The following CYP4A22 variants were observed in gnomAD, a reference collection of about 807,000 sequenced individuals.
CYP4A22 encodes cytochrome P450 4A22.
Under a neutral mutation model 56.2 loss-of-function variants are expected in CYP4A22, and 46 were observed. The ratio of observed to expected loss-of-function variants is 0.82; its 90% confidence interval spans 0.65 to 1.05. CYP4A22 has a LOEUF of 1.05. CYP4A22 is among the 50% of genes least tolerant of loss of function. CYP4A22 has a pLI of 0.00. For missense variants in CYP4A22, 541 were observed against 645.9 expected (o/e 0.84, Z 1.76); for synonymous variants, 193 against 251.1 (o/e 0.77, Z 2.19).
rs10789501 is a variant in CYP4A22, at chr1:47,143,817, T to C, written c.691T>C (p.Cys231Arg). The C allele has an allele frequency of 0.4, 637,894 of 1,613,692 alleles. 138,199 individuals are homozygous for C. Among genetic ancestry groups the C allele is most frequent in the East Asian group, 0.94 (42,158 of 44,852 alleles). ...ISDLNSLVFC[C>R]MRNAFHENDT... ...TGACCTGAACAGCCTGGTTTTTTGC[T>C]GTATGAGGAATGCCTTTCATGAGAA... Residue 231 changes from cysteine (C) to arginine (R), a missense_variant, in exon 6 of 12, where the codon TGT becomes CGT. Cys to Arg is a radical substitution (Grantham distance 180, BLOSUM62 -3). This residue lies in a region of CYP4A22 where 335 missense variants were observed against 361.2 expected (regional missense o/e 0.93). Coordinates refer to ENST00000371891, the MANE Select transcript of CYP4A22 (RefSeq NM_001010969.4).
intron 9 of CYP4A22, 72 bp from the exon 10 acceptor site, chr1:47,145,794 C>T (rs1212513872): frequency 3.9e-5 from 62 of 1,598,428 alleles, no homozygotes; most frequent in Non-Finnish European, 5.1e-5. Context: ...TTCTTTTGCC[C>T]CTGCAGGCTG....
intron 1 of CYP4A22, among the ~76,000 whole-genome samples, chr1:47,139,177 T>C (rs914721015): frequency 5.9e-5 from 9 of 152,228 alleles, no homozygotes; most frequent in African/African-American, 2.2e-4. Flanking sequence ...TTCTCACTCA[T>C]ATCTATCGGT....
At chr1:47,145,834 G>C (rs375267118) in intron 9 of CYP4A22, 32 bp from the exon 10 acceptor site, 1 of 1,613,440 alleles carries the variant, frequency 6.2e-7, no homozygotes, top group South Asian at 1.1e-5. Flanking sequence ...GCAAATGATC[G>C]GTCTTCTCTC....
chr1:47,141,759 C>A, intron 3 of CYP4A22, 144 bp downstream of exon 3: 1 of 1,148,886 alleles, frequency 8.7e-7, no homozygotes, highest in South Asian at 1.8e-5. Flanking sequence ...CTAACAAGAC[C>A]CTCACCCCTT....
intron 4 of CYP4A22, 48 bp downstream of exon 4, chr1:47,142,283 C>G (rs1464381504): frequency 2.6e-6 from 4 of 1,539,926 alleles, no homozygotes; most frequent in South Asian, 2.5e-5. Flanking sequence ...ACAGCACACA[C>G]TCTCACCAAC....
chr1:47,144,030 A>T (rs1645045072), intron 6 of CYP4A22, 114 bp downstream of exon 6: 2 of 1,495,744 alleles, frequency 1.3e-6, no homozygotes, highest in Admixed American at 4.6e-5. Flanking sequence ...GAACACACTC[A>T]GCCTGGGGAA....
intron 10 of CYP4A22, 21 bp from the exon 11 acceptor site, chr1:47,146,056 G>A: frequency 1.9e-6 from 3 of 1,614,168 alleles, no homozygotes; most frequent in Non-Finnish European, 2.5e-6. Flanking sequence ...AACTATCCTG[G>A]CTCTGGTGCT....
intron 1 of CYP4A22, among the ~76,000 whole-genome samples, chr1:47,139,139 C>A (rs1435435966): frequency 6.6e-6 from 1 of 152,252 alleles, no homozygotes; most frequent in Non-Finnish European, 1.5e-5. Context: ...GGCCTCTGAT[C>A]ACAATGTGCT....
At position 47,137,580 on chromosome 1, in the gene CYP4A22, T is replaced by C; in HGVS notation, c.95T>C (p.Ile32Thr). The C allele has an allele frequency of 6.2e-7, 1 of 1,614,206 alleles. No homozygotes were observed. The highest frequency in any genetic ancestry group is 8.5e-7 in the Non-Finnish European group (1 of 1,180,016). ...CTGCTCATTCTGCTTCTGCTGCTGA[T>C]CAAGGCAGCTCAGCTCTACCTGCAT... is the stretch of plus-strand genomic sequence containing the variant. The part of the protein sequence containing the change: ...TSLLILLLLL[I>T]KAAQLYLHRQ... The change falls in exon 1 of 12, where the codon ATC becomes ACC. Residue 32 changes from isoleucine to threonine, a missense_variant. Ile to Thr is a moderately conservative substitution (Grantham distance 89, BLOSUM62 -1). This residue lies in a region of CYP4A22 where 335 missense variants were observed against 361.2 expected (regional missense o/e 0.93). Transcript: ENST00000371891.
At chr1:47,147,893 T>C (rs572887678) in intron 11 of CYP4A22, among the ~76,000 whole-genome samples, 1 of 152,056 alleles carries the variant, frequency 6.6e-6, no homozygotes, top group Admixed American at 6.5e-5. Context: ...GTGGCTTCAG[T>C]GTGCAGGGAG....
chr1:47,144,107 T>C (rs951435257), intron 6 of CYP4A22, among the ~76,000 whole-genome samples, 191 bp downstream of exon 6: 10 of 152,234 alleles, frequency 6.6e-5, no homozygotes, highest in African/African-American at 9.6e-5. Context: ...TTTATCAATG[T>C]CCCCACATGG....
intron 1 of CYP4A22, among the ~76,000 whole-genome samples, chr1:47,138,180 C>T (rs1301457109): frequency 1.3e-5 from 2 of 152,182 alleles, no homozygotes; most frequent in Non-Finnish European, 2.9e-5. Context: ...AAAGAGCTCA[C>T]TCTGCTGGGG....
At chr1:47,146,285 A>C in intron 11 of CYP4A22, 132 bp downstream of exon 11, 4 of 1,575,358 alleles carry the variant, frequency 2.5e-6, no homozygotes, top group Non-Finnish European at 3.5e-6. Flanking sequence ...TTTGTGGGAA[A>C]GTCAGGCACC....
rs568771327 is a variant in CYP4A22 at position 47,139,099 on chromosome 1, T to A, written c.195+1419T>A. Reference sequence around the variant, plus strand: ...CTTTTACCATATGTTACTCACTACCTCACTACCTGCCTCTGCATTTCAACC... The same window carrying A: ...CTTTTACCATATGTTACTCACTACCACACTACCTGCCTCTGCATTTCAACC... On this transcript the variant is annotated intron_variant, in intron 1 of 11. Transcript: ENST00000371891. Among the ~76,000 whole-genome samples the A allele has an allele frequency of 2.8e-3, 423 of 152,314 alleles. 2 individuals carry two copies. Among genetic ancestry groups the A allele is most frequent in the African/African-American group, 9.7e-3 (402 of 41,554 alleles).
In CYP4A22 at chr1:47,146,202, T is replaced by C. The variant is rs374282164; in HGVS notation, c.1364+49T>C. On this transcript the variant is annotated intron_variant, in intron 11 of 11. Transcript: ENST00000371891. ...GGAATAGAGAAATGAGGGAAGTCTCTGGTCAACCCTCTGATCTTTGTGAGC... is the reference window on the plus strand; with the variant it reads ...GGAATAGAGAAATGAGGGAAGTCTCCGGTCAACCCTCTGATCTTTGTGAGC... 1.0e-4 allele frequency: 163 copies of C among 1,614,030 alleles called. 1 individual carries two copies. In the East Asian group the frequency reaches 2.9e-3, roughly 29 times the overall value.
At position 47,142,305 on chromosome 1, in the gene CYP4A22, C is replaced by T. The variant is rs111327702; in HGVS notation, c.510+70C>T. 1.3e-3 allele frequency: 1,924 copies of T among 1,516,102 alleles called. 21 individuals are homozygous for T. The African/African-American group carries it at 0.023, about 18-fold the overall frequency. 93.9% of individuals were successfully genotyped at this position (1,516,102 alleles called of 1,614,324 possible). On this transcript the variant is annotated intron_variant, in intron 4 of 11. Coordinates refer to ENST00000371891, the MANE Select transcript of CYP4A22 (RefSeq NM_001010969.4). ...ACACTCTCACCAACTCCACTCTCAA[C>T]CCTGTGTCCCACAGGCAGCCATAGA...
At chr1:47,141,524 TTCTTAGTAAC>T (rs1557646096) in intron 2 of CYP4A22, 37 bp from the exon 3 acceptor site, 1 of 1,599,348 alleles carries the variant, frequency 6.3e-7, no homozygotes, top group South Asian at 1.1e-5. Context: ...TGAGACTGCC[TTCTTAGTAAC>T]TCCTAGTTTC....
At position 47,138,385 on chromosome 1, in the gene CYP4A22, T is replaced by C. The variant is rs1366371273; in HGVS notation, c.195+705T>C. On this transcript the variant is annotated intron_variant, in intron 1 of 11. Transcript: ENST00000371891. Reference sequence around the variant, plus strand: ...TGTTTGAGTTGCACATTGAACAGGGTGTATTGACCTCCTGGCTCTCCTCCC... The same window carrying C: ...TGTTTGAGTTGCACATTGAACAGGGCGTATTGACCTCCTGGCTCTCCTCCC... Among the ~76,000 whole-genome samples, 5 of 152,088 alleles carry C rather than the reference T, an allele frequency of 3.3e-5. No individual in the cohort carries two copies. In the South Asian group the frequency reaches 6.2e-4, roughly 19 times the overall value.
chr1:47,140,666 C>A, intron 1 of CYP4A22, 114 bp from the exon 2 acceptor site: 1 of 1,482,954 alleles, frequency 6.7e-7, no homozygotes, highest in Non-Finnish European at 9.1e-7. Flanking sequence ...TCATCAGAAA[C>A]AGATCTAAAT....
Sources: allele counts gnomAD v4.1 joint callset (sites outside exome capture counted in the v4.1 genomes callset), GRCh38; gene constraint gnomAD v4.1.1; regional missense constraint gnomAD v4.1.1; transcripts MANE v1.5; gene names NCBI Gene and HGNC (gene_info 2026-07-23, HGNC 2026-07-21).